ROBO1: variants seen among roughly 807,000 people sequenced by gnomAD.
The protein encoded by ROBO1 is roundabout homolog 1.
ROBO1 carries 149 observed loss-of-function variants against 195.9 expected under a neutral mutation model. The observed-to-expected ratio is 0.76, with a 90% CI of 0.67 to 0.87. The LOEUF is 0.87. Ranked by LOEUF, ROBO1 falls within the 40% of genes least tolerant of loss-of-function variation. The pLI, the probability that ROBO1 is intolerant of heterozygous loss-of-function variation, is 0.00. For synonymous variants in ROBO1, 816 were observed against 733.2 expected (o/e 1.11, Z -1.82); for missense variants, 1,933 against 2,068.3 (o/e 0.93, Z 1.27).
chr3:78,780,854 T>C (rs751117711), intron 4 of ROBO1, among the ~76,000 whole-genome samples: 3 of 152,164 alleles, frequency 2.0e-5, no homozygotes, highest in Non-Finnish European at 4.4e-5. Context: ...TTTTTTATTA[T>C]GATTTTTTAG....
chr3:79,423,591 G>A (rs2038322083), intron 2 of ROBO1, among the ~76,000 whole-genome samples: 1 of 152,072 alleles, frequency 6.6e-6, no homozygotes, highest in Non-Finnish European at 1.5e-5. Context: ...GAAATGTACA[G>A]ATTGAGAATG....
intron 2 of ROBO1, among the ~76,000 whole-genome samples, chr3:79,204,888 CTTTT>C (rs371595381): frequency 4.6e-5 from 7 of 151,828 alleles, no homozygotes; most frequent in African/African-American, 1.7e-4. Flanking sequence ...GCGGTTACGT[CTTTT>C]TTTGTTTTTG....
At chr3:78,963,726 C>T (rs1404087440) in intron 3 of ROBO1, among the ~76,000 whole-genome samples, 1 of 151,768 alleles carries the variant, frequency 6.6e-6, no homozygotes, top group African/African-American at 2.4e-5. Context: ...ACCGTGTTAG[C>T]CAGGATGGTC....
chr3:78,791,554 T>C (rs2084021850), intron 4 of ROBO1, among the ~76,000 whole-genome samples: 1 of 152,148 alleles, frequency 6.6e-6, no homozygotes, highest in Non-Finnish European at 1.5e-5. Context: ...GTCGATACCC[T>C]CTGATTATGC....
chr3:79,288,240 CTAT>C (rs1185525676), intron 2 of ROBO1, among the ~76,000 whole-genome samples: 2 of 152,072 alleles, frequency 1.3e-5, no homozygotes, highest in Non-Finnish European at 2.9e-5. Context: ...TTGTAATTTA[CTAT>C]TATTACTGCA....
chr3:78,651,303 C>T (rs919190083), intron 19 of ROBO1, among the ~76,000 whole-genome samples: 39 of 152,098 alleles, frequency 2.6e-4, no homozygotes, highest in African/African-American at 9.2e-4. Context: ...AATAATCAAA[C>T]GGCAGTATTT....
chr3:79,495,200 T>C (rs1011424126), intron 2 of ROBO1, among the ~76,000 whole-genome samples: 10 of 152,138 alleles, frequency 6.6e-5, no homozygotes, highest in Non-Finnish European at 1.2e-4. Flanking sequence ...CATATGGTAA[T>C]TGGGACAAAG....
chr3:79,018,269 T>A, intron 3 of ROBO1: 1 of 976,818 alleles, frequency 1.0e-6, no homozygotes, highest in Non-Finnish European at 1.6e-6. Context: ...CATTTTCGCC[T>A]AAAAGTCTAG....
chr3:78,680,884 G>C (rs1055832252), intron 10 of ROBO1, among the ~76,000 whole-genome samples: 2 of 148,870 alleles, frequency 1.3e-5, no homozygotes, highest in Admixed American at 6.7e-5. Flanking sequence ...ACATGCACAC[G>C]TGTGTTTATT....
intron 3 of ROBO1, among the ~76,000 whole-genome samples, chr3:79,032,213 T>C (rs1391954991): frequency 2.0e-5 from 3 of 152,026 alleles, no homozygotes; most frequent in Non-Finnish European, 4.4e-5. Context: ...ATTGAGCAAA[T>C]TATTTTTTAA....
At chr3:78,660,832 T>A in intron 16 of ROBO1, 198 bp downstream of exon 16, 1 of 498,376 alleles carries the variant, frequency 2.0e-6, no homozygotes, top group Non-Finnish European at 3.5e-6. Flanking sequence ...TAGGCCACTA[T>A]TGAAGCAAGT....
At chr3:79,203,776 G>A (rs1156589799) in intron 2 of ROBO1, among the ~76,000 whole-genome samples, 9 of 152,306 alleles carry the variant, frequency 5.9e-5, no homozygotes, top group African/African-American at 1.7e-4. Flanking sequence ...CAGAGGTGCA[G>A]AGGATTAGGT....
At chr3:78,954,950 CTT>C (rs34852420) in intron 3 of ROBO1, among the ~76,000 whole-genome samples, 7 of 139,720 alleles carry the variant, frequency 5.0e-5, no homozygotes, top group African/African-American at 7.9e-5. Context: ...TGTTTAAAAA[CTT>C]TTTTTTTTTT....
In ROBO1 at chr3:78,670,278, C is replaced by A; in HGVS notation, c.1366G>T (p.Val456Phe). Residue 456 changes from valine (V) to phenylalanine (F), a missense_variant, in exon 11 of 31, where the codon GTT (valine) becomes TTT (phenylalanine). Val to Phe is a conservative substitution (Grantham distance 50). Around this residue, in one of 3 missense-constraint regions of ROBO1, gnomAD observed 1,737 missense variants for 1,882.5 expected, o/e 0.92. Coordinates refer to ENST00000464233, the MANE Select transcript of ROBO1 (RefSeq NM_002941.4). ...TGATTCACAGGACCTTGTCGAATAA[C>A]TGGGGGAGGCCGATCTGCAATCACT... ...TDVIADRPPP[V>F]IRQGPVNQTV... 6.4e-7 allele frequency: 1 copy of A among 1,570,256 alleles called. No individual in the cohort carries two copies. The highest frequency in any genetic ancestry group is 8.6e-7 in the Non-Finnish European group (1 of 1,156,736).
intron 2 of ROBO1, among the ~76,000 whole-genome samples, chr3:79,313,376 A>T (rs1225507193): frequency 6.6e-6 from 1 of 152,162 alleles, no homozygotes; most frequent in Admixed American, 6.5e-5. Context: ...AAAAACTTTT[A>T]TCTCTACTTT....
intron 2 of ROBO1, among the ~76,000 whole-genome samples, chr3:79,587,238 A>T (rs1354294152): frequency 6.6e-6 from 1 of 151,862 alleles, no homozygotes; most frequent in Admixed American, 6.6e-5. Flanking sequence ...GAAAAAAAAA[A>T]TTGAGCTGGG....
intron 25 of ROBO1, among the ~76,000 whole-genome samples, chr3:78,629,006 C>G (rs1705002315): frequency 6.6e-6 from 1 of 152,190 alleles, no homozygotes; most frequent in Non-Finnish European, 1.5e-5. Flanking sequence ...AGAAATGGCT[C>G]TCTAATTGTT....
chr3:79,635,064 T>A (rs963463996), intron 1 of ROBO1, among the ~76,000 whole-genome samples: 12 of 152,178 alleles, frequency 7.9e-5, no homozygotes, highest in African/African-American at 2.7e-4. Flanking sequence ...AAAATGCTAC[T>A]TCCTGAATTG....
At chr3:79,277,695 A>G (rs996212620) in intron 2 of ROBO1, among the ~76,000 whole-genome samples, 20 of 152,046 alleles carry the variant, frequency 1.3e-4, no homozygotes, top group Middle Eastern at 3.2e-3. Flanking sequence ...TGAAGTGAAT[A>G]TTATACATTG....
Sources: allele counts gnomAD v4.1 joint callset (sites outside exome capture counted in the v4.1 genomes callset), GRCh38; gene constraint gnomAD v4.1.1; regional missense constraint gnomAD v4.1.1; transcripts MANE v1.5; gene names NCBI Gene and HGNC (gene_info 2026-07-23, HGNC 2026-07-21).